PRMT8: variants seen among roughly 807,000 people sequenced by gnomAD.
PRMT8 encodes protein arginine methyltransferase 8, also known as protein arginine N-methyltransferase 8.
A neutral mutation model predicts 47.1 loss-of-function variants in PRMT8; 7 were observed. That is an observed-to-expected ratio of 0.15 (90% CI 0.08 to 0.28). The LOEUF is 0.28. Ranked by LOEUF, PRMT8 falls within the 10% of genes least tolerant of loss-of-function variation. The probability of loss-of-function intolerance (pLI) is 1.00; values close to 1 mark genes in which losing one functional copy is unlikely to be tolerated. For synonymous variants in PRMT8, 188 were observed against 186.5 expected (o/e 1.01, Z -0.07); for missense variants, 237 against 505.4 (o/e 0.47, Z 5.09).
Position 3,552,287 on chromosome 12 carries a change from AGAG to A in PRMT8, c.418-1360_418-1358del, listed in dbSNP as rs1866435346. On this transcript the variant is annotated intron_variant, in intron 3 of 9. Coordinates refer to ENST00000382622, the MANE Select transcript of PRMT8 (RefSeq NM_019854.5). This position sits in a 1 kb window ranked among gnomAD's most constrained non-coding sequence, Gnocchi z 4.5. Reference sequence around the variant, plus strand: ...AAAGAGAGAAGAGGGAAGAAATGGAAGAGGAGAAGATGGAAGAAAGGAAAATGA... The same window carrying A: ...AAAGAGAGAAGAGGGAAGAAATGGAAGAGAAGATGGAAGAAAGGAAAATGA... 6.4e-6 allele frequency: 1 copy of A among 155,946 alleles called. No individual in the cohort carries two copies. The highest frequency in any genetic ancestry group is 1.4e-5 in the Non-Finnish European group (1 of 70,532). 9.7% of individuals were successfully genotyped at this position (155,946 alleles called of 1,614,324 possible). A position where few individuals can be genotyped will look rare whatever the true frequency, so the allele number is the denominator to read the frequency against.
At chr12:3,386,052 T>G (rs1262524311) in intron 1 of PRMT8, among the ~76,000 whole-genome samples, 2 of 152,240 alleles carry the variant, frequency 1.3e-5, no homozygotes, top group Non-Finnish European at 2.9e-5. Flanking sequence ...GAGCTAGTTT[T>G]TAGTTTCACA....
intron 1 of PRMT8, among the ~76,000 whole-genome samples, chr12:3,410,623 C>T (rs1428676871): frequency 6.6e-6 from 1 of 152,210 alleles, no homozygotes; most frequent in South Asian, 2.1e-4. Flanking sequence ...ATTCTGCTGC[C>T]TCAGCCTCCC....
chr12:3,550,230 C>G lies in PRMT8; in HGVS notation c.417+139C>G, dbSNP rs891748382. On this transcript the variant is annotated intron_variant, in intron 3 of 9. Coordinates refer to ENST00000382622, the MANE Select transcript of PRMT8 (RefSeq NM_019854.5). The surrounding 1 kb of genome is among the most constrained non-coding windows in gnomAD (Gnocchi z 5.1). ...CACACCTTCGAGGAGTAGAAGAAAT[C>G]AGGTGTGACTCTCAGGAAGGGGAGC... The G allele has an allele frequency of 3.9e-6, 4 of 1,038,328 alleles. No homozygotes were observed. The African/African-American group carries it at 4.8e-5, about 12-fold the overall frequency. 64.3% of individuals were successfully genotyped at this position (1,038,328 alleles called of 1,614,324 possible).
chr12:3,387,841 A>C (rs1864156166), intron 1 of PRMT8, among the ~76,000 whole-genome samples: 1 of 152,222 alleles, frequency 6.6e-6, no homozygotes, highest in Non-Finnish European at 1.5e-5. Flanking sequence ...ATATTGAATT[A>C]CATGCAGACA....
At chr12:3,582,585 T>A (rs1256495415) in intron 7 of PRMT8, among the ~76,000 whole-genome samples, 1 of 152,166 alleles carries the variant, frequency 6.6e-6, no homozygotes, top group East Asian at 1.9e-4. Context: ...AAAACACAGA[T>A]TGCTGTTTTG....
intron 1 of PRMT8, among the ~76,000 whole-genome samples, chr12:3,442,086 C>T (rs181917596): frequency 9.2e-5 from 14 of 152,180 alleles, no homozygotes; most frequent in South Asian, 4.2e-4. Context: ...TGCATAGCAC[C>T]GAATTCTTAA....
chr12:3,385,905 A>G (rs1864133385), intron 1 of PRMT8, among the ~76,000 whole-genome samples: 1 of 108,568 alleles, frequency 9.2e-6, no homozygotes, highest in Non-Finnish European at 1.9e-5. Context: ...TCTTTTGTCT[A>G]CTTGTTCATC....
At chr12:3,415,124 G>T (rs1331534090) in intron 1 of PRMT8, among the ~76,000 whole-genome samples, 1 of 152,000 alleles carries the variant, frequency 6.6e-6, no homozygotes, top group Non-Finnish European at 1.5e-5. Context: ...TGATTAATTG[G>T]CTGGAGTGGC....
At chr12:3,478,818 C>T (rs1361449958) in intron 1 of PRMT8, among the ~76,000 whole-genome samples, 1 of 152,218 alleles carries the variant, frequency 6.6e-6, no homozygotes, top group Non-Finnish European at 1.5e-5. Flanking sequence ...CCTCCTGGGG[C>T]CTGAGATCAC....
intron 1 of PRMT8, among the ~76,000 whole-genome samples, chr12:3,431,199 A>G (rs1454195008): frequency 6.6e-6 from 1 of 152,182 alleles, no homozygotes; most frequent in East Asian, 1.9e-4. Context: ...ATTTCAGAGA[A>G]TGGGCTGGGA....
chr12:3,460,776 C>T (rs939343970), intron 1 of PRMT8, among the ~76,000 whole-genome samples: 6 of 152,180 alleles, frequency 3.9e-5, no homozygotes, highest in African/African-American at 1.2e-4. Context: ...AAGCTTGTCA[C>T]CACCATGCTC....
intron 7 of PRMT8, among the ~76,000 whole-genome samples, chr12:3,578,637 C>T (rs1866995192): frequency 2.0e-5 from 3 of 152,142 alleles, no homozygotes; most frequent in Admixed American, 1.3e-4. Context: ...GGGCAGGGTA[C>T]TGGACTGGAA....
At chr12:3,533,132 A>G (rs1866060100) in intron 1 of PRMT8, among the ~76,000 whole-genome samples, 1 of 152,206 alleles carries the variant, frequency 6.6e-6, no homozygotes, top group Admixed American at 6.5e-5. Flanking sequence ...GGGGGTTCCA[A>G]ATGGGGGACA....
intron 4 of PRMT8, 53 bp from the exon 5 acceptor site, chr12:3,568,653 G>A: frequency 6.2e-7 from 1 of 1,608,450 alleles, no homozygotes; most frequent in South Asian, 1.1e-5. Flanking sequence ...AGGTGCTTGT[G>A]GTTCCTGGGT....
Position 3,572,812 on chromosome 12 carries a change from T to C in PRMT8, c.712+3248T>C, listed in dbSNP as rs1449679488. ...AGCCTCATCAGAGAAACTCAGATGGTTGGGGCTGGGGTGGTGAGGGAGGAT... is the reference window on the plus strand; with the variant it reads ...AGCCTCATCAGAGAAACTCAGATGGCTGGGGCTGGGGTGGTGAGGGAGGAT... On this transcript the variant is annotated intron_variant, in intron 6 of 9. Coordinates refer to ENST00000382622, the MANE Select transcript of PRMT8 (RefSeq NM_019854.5). This position sits in a 1 kb window ranked among gnomAD's most constrained non-coding sequence, Gnocchi z 5.9. Among the ~76,000 whole-genome samples the C allele has an allele frequency of 6.6e-6, 1 of 152,170 alleles. No homozygotes were observed. Among genetic ancestry groups the C allele is most frequent in the Non-Finnish European group, 1.5e-5 (1 of 68,024 alleles).
rs193213365 is a variant in PRMT8 at position 3,459,026 on chromosome 12, G to A, written c.48+77584G>A. Among the ~76,000 whole-genome samples, 7 of 152,314 alleles carry A rather than the reference G, an allele frequency of 4.6e-5. No individual in the cohort carries two copies. The East Asian group carries it at 1.2e-3, about 25-fold the overall frequency. On this transcript the variant is annotated intron_variant, in intron 1 of 9. Coordinates refer to the PRMT8 transcript ENST00000452611. ...CTGAAACTGTGGATATGACGAGTGG[G>A]CAGAGGAGTTTGTTCCTGTTAAGGT...
chr12:3,440,136 C>T (rs1354839972), intron 1 of PRMT8, among the ~76,000 whole-genome samples: 1 of 152,172 alleles, frequency 6.6e-6, no homozygotes, highest in African/African-American at 2.4e-5. Context: ...GATATTAGAC[C>T]TTGATAATTG....
Position 3,411,655 on chromosome 12 carries a change from G to A in PRMT8, c.48+30213G>A, listed in dbSNP as rs543878802. Among the ~76,000 whole-genome samples the A allele has an allele frequency of 5.3e-5, 8 of 152,262 alleles. No homozygotes were observed. In the South Asian group the frequency reaches 1.4e-3, roughly 28 times the overall value. On this transcript the variant is annotated intron_variant, in intron 1 of 9. Transcript: ENST00000452611. ...ACATGTAGATGATATTTGGAGTTGGGGCCATTGGGAGATAACTAGAATTAG... is the reference window on the plus strand; with the variant it reads ...ACATGTAGATGATATTTGGAGTTGGAGCCATTGGGAGATAACTAGAATTAG...
intron 1 of PRMT8, among the ~76,000 whole-genome samples, chr12:3,430,047 G>A (rs891402369): frequency 6.6e-6 from 1 of 152,186 alleles, no homozygotes; most frequent in Non-Finnish European, 1.5e-5. Context: ...ATTCAGCTGG[G>A]AGCACCGGCA....
Sources: allele counts gnomAD v4.1 joint callset (sites outside exome capture counted in the v4.1 genomes callset), GRCh38; gene constraint gnomAD v4.1.1; non-coding constraint Gnocchi (gnomAD v3.1); transcripts MANE v1.5; gene names NCBI Gene and HGNC (gene_info 2026-07-23, HGNC 2026-07-21).